The following KATNBL1 variants were observed in gnomAD, a reference collection of about 807,000 sequenced individuals.
KATNBL1 encodes the protein KATNB1-like protein 1.
Under a neutral mutation model 44.7 loss-of-function variants are expected in KATNBL1, and 28 were observed. The observed-to-expected ratio is 0.63, with a 90% CI of 0.46 to 0.86. The LOEUF is 0.86. KATNBL1 is among the 40% of genes least tolerant of loss of function. KATNBL1 has a pLI of 0.00. For synonymous variants in KATNBL1, 78 were observed against 114.9 expected (o/e 0.68, Z 2.06); for missense variants, 272 against 350.7 (o/e 0.78, Z 1.79).
rs565292763 is a variant in KATNBL1, at chr15:34,174,936, C to T, written c.-14-11246G>A. Among the ~76,000 whole-genome samples the T allele has an allele frequency of 2.6e-5, 4 of 150,984 alleles. No homozygotes were observed. In the South Asian group the frequency reaches 8.5e-4, roughly 32 times the overall value. On this transcript the variant is annotated intron_variant, in intron 1 of 9. Transcript: ENST00000256544. ...GGATTACAGGTATGAGCCACTGCGACTGGCCACAAATATTAACTTTTAAAA... is the reference window on the plus strand; with the variant it reads ...GGATTACAGGTATGAGCCACTGCGATTGGCCACAAATATTAACTTTTAAAA...
chr15:34,143,172 C>T (rs140301533), intron 9 of KATNBL1: 1 of 446,486 alleles, frequency 2.2e-6, no homozygotes, highest in African/African-American at 2.2e-5. Flanking sequence ...AAAGCTTTTC[C>T]CTTTGTAAAA....
chr15:34,204,635 TTCAC>T (rs1345033026), intron 1 of KATNBL1, among the ~76,000 whole-genome samples: 8 of 152,234 alleles, frequency 5.3e-5, no homozygotes, highest in African/African-American at 1.9e-4. Flanking sequence ...AAATGGATAA[TTCAC>T]TCAAACAATG....
chr15:34,158,495 G>C (rs1272366029), intron 2 of KATNBL1, among the ~76,000 whole-genome samples: 1 of 152,198 alleles, frequency 6.6e-6, no homozygotes, highest in Non-Finnish European at 1.5e-5. Flanking sequence ...TTTCAAAAGA[G>C]ATATCTCTTT....
chr15:34,185,210 T>C (rs1460805273), intron 1 of KATNBL1, among the ~76,000 whole-genome samples: 2 of 152,154 alleles, frequency 1.3e-5, no homozygotes, highest in African/African-American at 4.8e-5. Context: ...GCTGAAGAGA[T>C]CTGCTTGCCT....
chr15:34,200,552 C>T (rs1171010990), intron 1 of KATNBL1, among the ~76,000 whole-genome samples: 38 of 152,182 alleles, frequency 2.5e-4, no homozygotes, highest in Non-Finnish European at 1.2e-4. Context: ...TGAGCCACCA[C>T]GCCCCGCCCA....
At chr15:34,184,363 A>C (rs1478199939) in intron 1 of KATNBL1, among the ~76,000 whole-genome samples, 1 of 150,738 alleles carries the variant, frequency 6.6e-6, no homozygotes, top group African/African-American at 2.4e-5. Context: ...GCCACTCGGG[A>C]AAGTCAGACA....
intron 1 of KATNBL1, among the ~76,000 whole-genome samples, chr15:34,201,979 A>G (rs1438530398): frequency 1.3e-5 from 2 of 152,224 alleles, no homozygotes; most frequent in African/African-American, 4.8e-5. Context: ...TTTAAGGTGT[A>G]TGGGAGGATG....
chr15:34,144,568 TTTTC>T (rs1888253069), intron 9 of KATNBL1, among the ~76,000 whole-genome samples: 1 of 151,698 alleles, frequency 6.6e-6, no homozygotes, highest in Non-Finnish European at 1.5e-5. Flanking sequence ...TACTAATGTT[TTTTC>T]TTTCTTTTTT....
intron 1 of KATNBL1, among the ~76,000 whole-genome samples, chr15:34,200,684 A>G (rs1235676833): frequency 6.6e-6 from 1 of 152,226 alleles, no homozygotes; most frequent in Non-Finnish European, 1.5e-5. Flanking sequence ...GTACAATACT[A>G]TATCATTTCA....
intron 4 of KATNBL1, among the ~76,000 whole-genome samples, chr15:34,151,253 T>A (rs1888460505): frequency 6.6e-6 from 1 of 152,092 alleles, no homozygotes; most frequent in Non-Finnish European, 1.5e-5. Flanking sequence ...AATCTATTAT[T>A]TTTTGACTTT....
At chr15:34,198,959 C>T (rs1374578897) in intron 1 of KATNBL1, among the ~76,000 whole-genome samples, 1 of 152,066 alleles carries the variant, frequency 6.6e-6, no homozygotes, top group African/African-American at 2.4e-5. Flanking sequence ...TGAAGGTTAC[C>T]ATTTTGAAAG....
chr15:34,202,937 G>T (rs1450495283), intron 1 of KATNBL1, among the ~76,000 whole-genome samples: 1 of 152,124 alleles, frequency 6.6e-6, no homozygotes, highest in African/African-American at 2.4e-5. Context: ...GTTGCAGTAA[G>T]CCAAGATCAC....
At chr15:34,209,217 T>G (rs144367286) in intron 1 of KATNBL1, 57 of 152,348 alleles carry the variant, frequency 3.7e-4, no homozygotes, top group African/African-American at 1.3e-3. Context: ...GGTGGACTAG[T>G]TTCTCATAAT....
At chr15:34,163,230 C>G (rs1297587180) in intron 2 of KATNBL1, among the ~76,000 whole-genome samples, 1 of 151,470 alleles carries the variant, frequency 6.6e-6, no homozygotes, top group Non-Finnish European at 1.5e-5. Context: ...TTTTAGTAGA[C>G]ACAGGGTTTC....
chr15:34,168,228 A>G (rs1029638645), intron 1 of KATNBL1, among the ~76,000 whole-genome samples: 19 of 152,196 alleles, frequency 1.2e-4, no homozygotes, highest in Non-Finnish European at 2.1e-4. Flanking sequence ...GGTTCAAAAT[A>G]AAGGGATGGA....
chr15:34,142,610 A>G, intron 9 of KATNBL1: 1 of 404,332 alleles, frequency 2.5e-6, no homozygotes, highest in Non-Finnish European at 4.5e-6. Context: ...CCTATGCTCA[A>G]ACAACTCTGC....
At chr15:34,201,228 G>A (rs1034117491) in intron 1 of KATNBL1, among the ~76,000 whole-genome samples, 2 of 151,644 alleles carry the variant, frequency 1.3e-5, no homozygotes, top group African/African-American at 4.9e-5. Flanking sequence ...CCATAGTTGT[G>A]GACCTACACA....
At chr15:34,194,697 T>C (rs895612518) in intron 1 of KATNBL1, among the ~76,000 whole-genome samples, 4 of 152,130 alleles carry the variant, frequency 2.6e-5, no homozygotes, top group African/African-American at 9.7e-5. Context: ...CTACAAACTA[T>C]ATATCTGACA....
At chr15:34,200,255 CTCT>C (rs756389106) in intron 1 of KATNBL1, among the ~76,000 whole-genome samples, 4 of 151,672 alleles carry the variant, frequency 2.6e-5, no homozygotes, top group East Asian at 1.9e-4. Context: ...TTCTCTCTCT[CTCT>C]TCTTTTTTTT....
Sources: allele counts gnomAD v4.1 joint callset (sites outside exome capture counted in the v4.1 genomes callset), GRCh38; gene constraint gnomAD v4.1.1; transcripts MANE v1.5; gene names NCBI Gene and HGNC (gene_info 2026-07-23, HGNC 2026-07-21).